The following CMSS1 variants were observed in gnomAD, a reference collection of about 807,000 sequenced individuals.
The protein encoded by CMSS1 is cms1 ribosomal small subunit homolog, also known as protein CMSS1.
Under a neutral mutation model 43.5 loss-of-function variants are expected in CMSS1, and 33 were observed. The observed-to-expected ratio is 0.76, with a 90% CI of 0.57 to 1.01. CMSS1 has a LOEUF of 1.01. Ranked by LOEUF, CMSS1 falls within the 50% of genes least tolerant of loss-of-function variation. The pLI is 0.00. For synonymous variants in CMSS1, 115 were observed against 117.2 expected (o/e 0.98, Z 0.12); for missense variants, 313 against 326.4 (o/e 0.96, Z 0.32).
intron 1 of CMSS1, among the ~76,000 whole-genome samples, chr3:100,071,316 C>G (rs2065760105): frequency 6.6e-6 from 1 of 152,056 alleles, no homozygotes; most frequent in Non-Finnish European, 1.5e-5. Context: ...ATCAAGAAGA[C>G]AGTAAGGGAC....
At chr3:100,139,268 A>G (rs933951129) in intron 1 of CMSS1, among the ~76,000 whole-genome samples, 1 of 152,096 alleles carries the variant, frequency 6.6e-6, no homozygotes, top group Non-Finnish European at 1.5e-5. Context: ...ATGTATACCT[A>G]TGTAACAAAC....
intron 1 of CMSS1, among the ~76,000 whole-genome samples, chr3:99,908,733 C>T (rs181376470): frequency 6.6e-6 from 1 of 152,210 alleles, no homozygotes; most frequent in East Asian, 1.9e-4. Flanking sequence ...GTGCTTAGCA[C>T]AGTGTTTGAC....
At chr3:99,861,066 T>C (rs1440539155) in intron 1 of CMSS1, among the ~76,000 whole-genome samples, 1 of 152,154 alleles carries the variant, frequency 6.6e-6, no homozygotes. Context: ...TCTTTTTGTT[T>C]TCCTCCCCCA....
chr3:99,892,544 G>A (rs1706116891), intron 1 of CMSS1, among the ~76,000 whole-genome samples: 1 of 152,270 alleles, frequency 6.6e-6, no homozygotes, highest in African/African-American at 2.4e-5. Context: ...TGGTTCTTGT[G>A]GCTTTGATCT....
At chr3:100,127,770 G>A (rs149553115) in intron 1 of CMSS1, among the ~76,000 whole-genome samples, 1 of 152,300 alleles carries the variant, frequency 6.6e-6, no homozygotes, top group African/African-American at 2.4e-5. Context: ...CTGTTCAGCC[G>A]CTGTTACTAG....
At chr3:99,995,714 G>C (rs1576628689) in intron 1 of CMSS1, among the ~76,000 whole-genome samples, 2 of 152,294 alleles carry the variant, frequency 1.3e-5, no homozygotes, top group Admixed American at 1.3e-4. Context: ...CTTGACTTCT[G>C]TGCACTCACA....
chr3:100,145,856 G>A (rs1235337530), intron 1 of CMSS1, among the ~76,000 whole-genome samples: 1 of 152,244 alleles, frequency 6.6e-6, no homozygotes, highest in Non-Finnish European at 1.5e-5. Flanking sequence ...CCATTTAAAT[G>A]TTAATCTCTC....
intron 1 of CMSS1, among the ~76,000 whole-genome samples, chr3:100,088,081 T>G (rs2066043561): frequency 6.6e-6 from 1 of 152,134 alleles, no homozygotes; most frequent in Non-Finnish European, 1.5e-5. Context: ...TCTGCCTGCC[T>G]CGGCCTCCCA....
chr3:99,910,405 T>C (rs1015650014), intron 1 of CMSS1, among the ~76,000 whole-genome samples: 3 of 136,382 alleles, frequency 2.2e-5, no homozygotes, highest in African/African-American at 7.5e-5. Context: ...AAAACAGGGT[T>C]CTGTGAGCTT....
intron 1 of CMSS1, among the ~76,000 whole-genome samples, chr3:99,962,239 G>A (rs971549599): frequency 1.3e-5 from 2 of 152,146 alleles, no homozygotes; most frequent in Non-Finnish European, 2.9e-5. Context: ...GAGGAGTGGG[G>A]AAAACAGATG....
chr3:99,936,906 G>A (rs184126483), intron 1 of CMSS1, among the ~76,000 whole-genome samples: 2 of 152,116 alleles, frequency 1.3e-5, no homozygotes, highest in East Asian at 3.9e-4. Flanking sequence ...ATTGTGCTAC[G>A]CAATTTTGTT....
chr3:99,888,458 T>C (rs1164479715), intron 1 of CMSS1, among the ~76,000 whole-genome samples: 1 of 152,064 alleles, frequency 6.6e-6, no homozygotes, highest in Non-Finnish European at 1.5e-5. Context: ...CAGAGAAAAG[T>C]TGGTGGCTGG....
At chr3:99,865,204 C>T (rs1251950859) in intron 1 of CMSS1, among the ~76,000 whole-genome samples, 3 of 152,038 alleles carry the variant, frequency 2.0e-5, no homozygotes, top group East Asian at 1.9e-4. Flanking sequence ...CAGGTATTAC[C>T]GTCTTCTTAT....
At chr3:100,136,597 A>G (rs2066754647) in intron 1 of CMSS1, among the ~76,000 whole-genome samples, 1 of 152,184 alleles carries the variant, frequency 6.6e-6, no homozygotes, top group Admixed American at 6.5e-5. Flanking sequence ...TTGCTACATT[A>G]TCCCCTAAGA....
intron 1 of CMSS1, among the ~76,000 whole-genome samples, chr3:99,824,208 A>C (rs1017530764): frequency 2.0e-5 from 3 of 152,278 alleles, no homozygotes; most frequent in East Asian, 3.9e-4. Flanking sequence ...GGCATGAGCC[A>C]CCAGGCCCGG....
intron 1 of CMSS1, among the ~76,000 whole-genome samples, chr3:99,874,899 G>A (rs1485954068): frequency 6.6e-6 from 1 of 152,154 alleles, no homozygotes; most frequent in Non-Finnish European, 1.5e-5. Context: ...CCTCCAAACA[G>A]TTATCTTATA....
chr3:100,123,342 GC>G (rs1245244404), intron 1 of CMSS1, among the ~76,000 whole-genome samples: 1 of 152,214 alleles, frequency 6.6e-6, no homozygotes, highest in Non-Finnish European at 1.5e-5. Flanking sequence ...CAGGAGGTCA[GC>G]ATGGCTGGGG....
intron 1 of CMSS1, among the ~76,000 whole-genome samples, chr3:99,950,793 T>G (rs1414924889): frequency 6.6e-6 from 1 of 152,132 alleles, no homozygotes; most frequent in Non-Finnish European, 1.5e-5. Context: ...TGCTGGAGAC[T>G]TAGGTAAATA....
At chr3:99,825,434 A>G (rs1195478187) in intron 1 of CMSS1, among the ~76,000 whole-genome samples, 3 of 152,188 alleles carry the variant, frequency 2.0e-5, no homozygotes, top group Non-Finnish European at 4.4e-5. Context: ...TGACTATGTT[A>G]TTAGTCATTG....
Sources: allele counts gnomAD v4.1 joint callset (sites outside exome capture counted in the v4.1 genomes callset), GRCh38; gene constraint gnomAD v4.1.1; transcripts MANE v1.5; gene names NCBI Gene and HGNC (gene_info 2026-07-23, HGNC 2026-07-21).